Variants in NPHP3 observed in about 807,000 individuals in gnomAD.
NPHP3 encodes the protein nephrocystin-3.
A neutral mutation model predicts 171.9 loss-of-function variants in NPHP3; 123 were observed. The ratio of observed to expected loss-of-function variants is 0.72; its 90% CI spans 0.62 to 0.83. The LOEUF is 0.83. Among genes scored for constraint, NPHP3 ranks in the 40% least tolerant of loss-of-function variants. The pLI is 0.00. For missense variants in NPHP3, 1,506 were observed against 1,591.9 expected (o/e 0.95, Z 0.92); for synonymous variants, 558 against 579.2 (o/e 0.96, Z 0.52).
At chr3:132,693,033 A>C (rs1397803879) in intron 16 of NPHP3, 8 of 533,772 alleles carry the variant, frequency 1.5e-5, no homozygotes, top group Non-Finnish European at 2.6e-5. Context: ...TAGCACACCA[A>C]AGATAACACT....
At chr3:132,695,183 A>C in intron 15 of NPHP3, 1 of 513,968 alleles carries the variant, frequency 1.9e-6, no homozygotes, top group South Asian at 2.2e-5. Context: ...AAACATGCTG[A>C]AATCTATTAT....
intron 2 of NPHP3, 151 bp downstream of exon 2, chr3:132,719,554 A>T (rs1429482480): frequency 1.1e-5 from 5 of 463,674 alleles, no homozygotes; most frequent in African/African-American, 2.0e-5. Flanking sequence ...CCAACTCAAA[A>T]ATGTGAAAGT....
Position 132,681,252 on chromosome 3 carries a change from G to C in NPHP3, c.*658C>G, listed in dbSNP as rs1939019088. 6.7e-6 allele frequency: 1 copy of C among 149,816 alleles called. No individual in the cohort carries two copies. The highest frequency in any genetic ancestry group is 2.5e-5 in the African/African-American group (1 of 40,634). 9.3% of individuals were successfully genotyped at this position (149,816 alleles called of 1,614,324 possible). A position where few individuals can be genotyped will look rare whatever the true frequency, so the allele number is the denominator to read the frequency against. Reference sequence around the variant, plus strand: ...GCTCTTGAGAGCTCAAAAGAATCATGGAATTCTTTTTTTTTTTTTTTTTTT... The same window carrying C: ...GCTCTTGAGAGCTCAAAAGAATCATCGAATTCTTTTTTTTTTTTTTTTTTT... On this transcript the variant is annotated 3_prime_UTR_variant, in exon 27 of 27. Transcript: ENST00000337331.
intron 8 of NPHP3, among the ~76,000 whole-genome samples, chr3:132,704,859 C>T (rs995486450): frequency 2.0e-5 from 3 of 152,070 alleles, no homozygotes; most frequent in Non-Finnish European, 4.4e-5. Context: ...TCACTTGCTG[C>T]CATTCATTCT....
At chr3:132,705,896 G>C in intron 7 of NPHP3, 82 bp from the exon 8 acceptor site, 1 of 754,542 alleles carries the variant, frequency 1.3e-6, no homozygotes, top group Non-Finnish European at 2.4e-6. Flanking sequence ...TACTGCTTAT[G>C]TGACAGGAAC....
At position 132,688,328 on chromosome 3, in the gene NPHP3, C is replaced by A. The variant is rs1440857841; in HGVS notation, c.3125+322G>T. On this transcript the variant is annotated intron_variant, in intron 21 of 26. Coordinates refer to ENST00000337331, the MANE Select transcript of NPHP3 (RefSeq NM_153240.5). The stretch of plus-strand genomic sequence containing the variant: ...ATATGCAAATATTCTGAAATCTGAA[C>A]AAATCCAAAATCCTGAACATTTCTG... 2.0e-5 allele frequency among the ~76,000 whole-genome samples: 3 copies of A among 152,138 alleles called. No homozygotes were observed. The East Asian group carries it at 5.8e-4, about 29-fold the overall frequency.
chr3:132,721,332 AAGGTTTT>A (rs1323578121), intron 1 of NPHP3: 1 of 151,006 alleles, frequency 6.6e-6, no homozygotes, highest in African/African-American at 2.9e-5. Context: ...ACATCTAGAG[AAGGTTTT>A]CAACCATGGT....
At chr3:132,721,700 G>A (rs955846812) in intron 1 of NPHP3, 1 of 660,722 alleles carries the variant, frequency 1.5e-6, no homozygotes, top group Non-Finnish European at 2.8e-6. Flanking sequence ...ACTTTAGGAG[G>A]CCGAGGCGGG....
At chr3:132,705,920 T>G in intron 7 of NPHP3, 106 bp from the exon 8 acceptor site, 3 of 651,438 alleles carry the variant, frequency 4.6e-6, no homozygotes, top group Non-Finnish European at 2.8e-6. Context: ...TCTAAATATT[T>G]AACACATATT....
In NPHP3 at chr3:132,699,435, T is replaced by A; in HGVS notation, c.1903A>T (p.Met635Leu). 1 of 1,610,316 alleles carries A rather than the reference T, an allele frequency of 6.2e-7. No individual in the cohort carries two copies. The highest frequency in any genetic ancestry group is 1.1e-5 in the South Asian group (1 of 90,898). ...GGCAGTGGATCTATCAGCCATTTCA[T>A]GTGTTTTTCAACTTGCTTAAAAATA... is the stretch of plus-strand genomic sequence containing the variant. Reference protein sequence around the residue: ...IDQVQQVEKHMKWLIDPLPVN... With the variant: ...IDQVQQVEKHLKWLIDPLPVN... The change falls in exon 13 of 27, where the codon ATG becomes TTG. Residue 635 changes from methionine (M) to leucine (L), a missense_variant. Physicochemically the swap from Met to Leu is conservative, Grantham distance 15. Around this residue, in one of 3 missense-constraint regions of NPHP3, gnomAD observed 930 missense variants for 924.9 expected, o/e 1.01. Coordinates refer to ENST00000337331, the MANE Select transcript of NPHP3 (RefSeq NM_153240.5).
chr3:132,700,218 TA>T (rs1156276673), intron 11 of NPHP3, 115 bp downstream of exon 11: 1 of 1,207,098 alleles, frequency 8.3e-7, no homozygotes, highest in African/African-American at 1.5e-5. Context: ...TAACCTTATA[TA>T]AAACCAAAAC....
chr3:132,700,288 T>C (rs1367863291), intron 11 of NPHP3, 46 bp downstream of exon 11: 1 of 1,406,058 alleles, frequency 7.1e-7, no homozygotes, highest in East Asian at 2.3e-5. Context: ...CAACAATTTC[T>C]GAATCTAAAT....
chr3:132,682,145 C>T, intron 26 of NPHP3, 55 bp from the exon 27 acceptor site: 1 of 1,479,922 alleles, frequency 6.8e-7, no homozygotes, highest in Non-Finnish European at 9.4e-7. Context: ...CTTACCAATT[C>T]AAAATGACCT....
Position 132,701,550 on chromosome 3 carries a change from A to G in NPHP3, c.1525-17T>C, listed in dbSNP as rs779346995. 6.5e-7 allele frequency: 1 copy of G among 1,536,168 alleles called. No individual in the cohort carries two copies. The highest frequency in any genetic ancestry group is 1.1e-5 in the South Asian group (1 of 89,412). ...TTGGTAATACTAGAAAAAAAAATGA[A>G]TTTACATTGTAAGGAAGCACATGCC... On this transcript the variant is annotated splice_polypyrimidine_tract_variant and intron_variant, in intron 9 of 26. Transcript: ENST00000337331.
chr3:132,712,495 G>T, intron 6 of NPHP3: 1 of 456,380 alleles, frequency 2.2e-6, no homozygotes, highest in Non-Finnish European at 4.4e-6. Flanking sequence ...GGCCAGGTGT[G>T]TTGGCCTACG....
intron 9 of NPHP3, among the ~76,000 whole-genome samples, chr3:132,702,053 A>C (rs564932458): frequency 6.6e-6 from 1 of 152,172 alleles, no homozygotes; most frequent in Non-Finnish European, 1.5e-5. Context: ...AAACAAACAA[A>C]AAATGGGCCC....
At chr3:132,720,618 A>C (rs1301665446) in intron 1 of NPHP3, among the ~76,000 whole-genome samples, 3 of 152,226 alleles carry the variant, frequency 2.0e-5, no homozygotes, top group Admixed American at 6.5e-5. Context: ...CCAGACAACG[A>C]CAATAATTAC....
At chr3:132,695,872 T>C (rs2107975712) in intron 15 of NPHP3, among the ~76,000 whole-genome samples, 1 of 152,254 alleles carries the variant, frequency 6.6e-6, no homozygotes, top group East Asian at 1.9e-4. Flanking sequence ...AGGCAGAAGT[T>C]ACAGTGAGCC....
intron 9 of NPHP3, among the ~76,000 whole-genome samples, chr3:132,703,897 T>C (rs1057322314): frequency 1.3e-5 from 2 of 152,186 alleles, no homozygotes; most frequent in African/African-American, 4.8e-5. Context: ...TTACTATCCT[T>C]ATCAAGTTTC....
Sources: gnomAD v4.1 joint callset for allele counts (sites outside exome capture counted in the v4.1 genomes callset) on GRCh38, gnomAD v4.1.1 for gene constraint, gnomAD v4.1.1 regional missense constraint, MANE v1.5 for transcripts, NCBI Gene and HGNC (gene_info 2026-07-23, HGNC 2026-07-21) for gene names.